Variants in PTPRD observed in about 807,000 individuals in gnomAD.
PTPRD encodes receptor-type tyrosine-protein phosphatase delta.
PTPRD carries 34 observed loss-of-function variants against 214.5 expected under a neutral mutation model. The observed-to-expected ratio is 0.16, with a 90% CI of 0.12 to 0.21. PTPRD has a LOEUF of 0.21. Among genes scored for constraint, PTPRD ranks in the 10% least tolerant of loss-of-function variants. The probability of loss-of-function intolerance (pLI) is 1.00; values close to 1 mark genes in which losing one functional copy is unlikely to be tolerated. For missense variants in PTPRD, 2,545 were observed against 2,398.7 expected, an observed-to-expected ratio of 1.06 and a Z score of -1.27; for synonymous variants, 1,128 against 845.7, an observed-to-expected ratio of 1.33 and a Z score of -5.79.
chr9:9,875,710 G>C (rs2066655366), intron 5 of PTPRD, among the ~76,000 whole-genome samples: 1 of 152,012 alleles, frequency 6.6e-6, no homozygotes, highest in African/African-American at 2.4e-5. Context: ...CTAGACAGCT[G>C]AACTAAAAGC....
intron 12 of PTPRD, among the ~76,000 whole-genome samples, chr9:8,691,155 T>C (rs538716644): frequency 5.3e-5 from 8 of 152,174 alleles, no homozygotes; most frequent in Admixed American, 3.3e-4. Flanking sequence ...TCCCCGAATA[T>C]TCCCCATGGC....
At chr9:9,449,898 C>T (rs566397648) in intron 8 of PTPRD, among the ~76,000 whole-genome samples, 8 of 151,876 alleles carry the variant, frequency 5.3e-5, no homozygotes, top group Non-Finnish European at 8.8e-5. Flanking sequence ...CACCCTTCCT[C>T]CCAAGTCCCC....
intron 5 of PTPRD, among the ~76,000 whole-genome samples, chr9:9,874,269 C>T (rs1349808603): frequency 1.3e-5 from 2 of 152,266 alleles, no homozygotes; most frequent in Non-Finnish European, 2.9e-5. Context: ...ACTAGTAAAG[C>T]TGGCTATTAT....
intron 9 of PTPRD, among the ~76,000 whole-genome samples, chr9:9,245,501 C>G (rs1407318658): frequency 6.6e-6 from 1 of 151,964 alleles, no homozygotes; most frequent in East Asian, 1.9e-4. Context: ...CCATCATTCT[C>G]AGCAAACTAT....
chr9:8,934,443 ATATAAATT>A (rs1400720240), intron 11 of PTPRD, among the ~76,000 whole-genome samples: 950 of 40,694 alleles, frequency 0.023, 145 homozygotes, highest in East Asian at 0.14. Flanking sequence ...ATAAATATAT[ATATAAATT>A]TATATATATA....
intron 9 of PTPRD, among the ~76,000 whole-genome samples, chr9:9,241,821 A>T (rs1393949179): frequency 6.6e-6 from 1 of 151,664 alleles, no homozygotes; most frequent in Admixed American, 6.6e-5. Context: ...GTGTCTTTTA[A>T]TTGGAGCATT....
At chr9:10,574,713 C>G (rs1923441) in intron 2 of PTPRD, among the ~76,000 whole-genome samples, 2 of 151,014 alleles carry the variant, frequency 1.3e-5, no homozygotes, top group Non-Finnish European at 3.0e-5. Flanking sequence ...TCTATATTAA[C>G]TTATATCAAA....
chr9:10,211,609 C>A (rs753859497), intron 3 of PTPRD, among the ~76,000 whole-genome samples: 5 of 152,132 alleles, frequency 3.3e-5, no homozygotes, highest in Non-Finnish European at 7.3e-5. Flanking sequence ...GTTAAAGATA[C>A]AATGAGCCCT....
chr9:9,739,195 T>C (rs1211390879), intron 6 of PTPRD, among the ~76,000 whole-genome samples: 2 of 152,204 alleles, frequency 1.3e-5, no homozygotes, highest in African/African-American at 2.4e-5. Context: ...CATTCACGCA[T>C]TTACCAAGAC....
intron 11 of PTPRD, among the ~76,000 whole-genome samples, chr9:8,829,948 T>C (rs1268624994): frequency 1.3e-5 from 2 of 152,194 alleles, no homozygotes; most frequent in East Asian, 3.8e-4. Flanking sequence ...AAAACATTAT[T>C]ATAATGTAGC....
intron 9 of PTPRD, among the ~76,000 whole-genome samples, chr9:9,226,695 C>A (rs1023050310): frequency 1.1e-4 from 16 of 151,998 alleles, no homozygotes; most frequent in African/African-American, 3.4e-4. Flanking sequence ...GAGATAAGTA[C>A]TTTGACTATC....
At chr9:9,823,327 G>A (rs994905575) in intron 5 of PTPRD, among the ~76,000 whole-genome samples, 2 of 151,870 alleles carry the variant, frequency 1.3e-5, no homozygotes, top group African/African-American at 4.8e-5. Context: ...AGGAGCAAGA[G>A]AGAAAGAGTG....
At chr9:10,133,999 T>A (rs961862254) in intron 3 of PTPRD, among the ~76,000 whole-genome samples, 10 of 152,120 alleles carry the variant, frequency 6.6e-5, no homozygotes, top group African/African-American at 2.4e-4. Context: ...GTATGTAAAA[T>A]GGGAATATTT....
At chr9:9,362,919 A>G (rs1476013257) in intron 9 of PTPRD, among the ~76,000 whole-genome samples, 2 of 151,224 alleles carry the variant, frequency 1.3e-5, no homozygotes, top group African/African-American at 4.8e-5. Flanking sequence ...TGGTGTAAAG[A>G]GTGGTCAGTG....
chr9:10,439,640 GT>G (rs1292310911), intron 2 of PTPRD, among the ~76,000 whole-genome samples: 2 of 151,464 alleles, frequency 1.3e-5, no homozygotes, highest in Non-Finnish European at 3.0e-5. Flanking sequence ...TATAAAGTGA[GT>G]TTTAAAAAAG....
In PTPRD at chr9:10,116,633, G is replaced by A. The variant is rs570252766; in HGVS notation, c.-544-82843C>T. Among the ~76,000 whole-genome samples the A allele has an allele frequency of 4.6e-5, 7 of 151,852 alleles. No homozygotes were observed. The East Asian group carries it at 1.2e-3, about 25-fold the overall frequency. On this transcript the variant is annotated intron_variant, in intron 3 of 45. Transcript: ENST00000381196. ...TTTATGTACATTAAAACATTATTTC[G>A]AACAGTCCAGACTGCTAAAGGAATT...
intron 2 of PTPRD, among the ~76,000 whole-genome samples, chr9:10,428,818 A>C (rs1686824229): frequency 6.6e-6 from 1 of 152,034 alleles, no homozygotes; most frequent in African/African-American, 2.4e-5. Context: ...GAGCTTTGGT[A>C]ATTGTATTCC....
At chr9:10,303,688 A>G (rs583217) in intron 3 of PTPRD, among the ~76,000 whole-genome samples, 36,688 of 152,050 alleles carry the variant, frequency 0.24, 4,868 homozygotes, top group African/African-American at 0.36. Context: ...TCATGGACAC[A>G]TACACCCTCC....
At chr9:8,466,891 G>A (rs1450518182) in intron 31 of PTPRD, among the ~76,000 whole-genome samples, 1 of 151,784 alleles carries the variant, frequency 6.6e-6, no homozygotes, top group Non-Finnish European at 1.5e-5. Context: ...TTAGTAGAAT[G>A]AGAGCCTGGC....
Sources: allele counts gnomAD v4.1 joint callset (sites outside exome capture counted in the v4.1 genomes callset), GRCh38; gene constraint gnomAD v4.1.1; transcripts MANE v1.5; gene names NCBI Gene and HGNC (gene_info 2026-07-23, HGNC 2026-07-21).